The following SNIP1 variants were observed in gnomAD, a reference collection of about 807,000 sequenced individuals.
SNIP1 encodes the protein smad nuclear-interacting protein 1.
In SNIP1, 23 loss-of-function variants were observed where a neutral mutation model predicts 37.4. That is an observed-to-expected ratio of 0.61 (90% CI 0.44 to 0.87). The LOEUF (loss-of-function observed/expected upper bound fraction) is 0.87. Among genes scored for constraint, SNIP1 ranks in the 40% least tolerant of loss-of-function variants. The pLI is 0.00. For missense variants in SNIP1, 459 were observed against 540.4 expected (o/e 0.85, Z 1.49); for synonymous variants, 174 against 200.0 (o/e 0.87, Z 1.10).
chr1:37,549,935 C>A (rs757220714), intron 2 of SNIP1, among the ~76,000 whole-genome samples: 1 of 152,100 alleles, frequency 6.6e-6, no homozygotes, highest in African/African-American at 2.4e-5. Flanking sequence ...AATAGACCCA[C>A]ACAAATATGC....
At chr1:37,542,461 C>T (rs773105319) in intron 2 of SNIP1, among the ~76,000 whole-genome samples, 5 of 152,188 alleles carry the variant, frequency 3.3e-5, no homozygotes, top group Non-Finnish European at 7.3e-5. Context: ...GATAAATGGT[C>T]AGGTGCCAGT....
chr1:37,545,713 T>A (rs915886948), intron 2 of SNIP1, among the ~76,000 whole-genome samples: 1 of 152,014 alleles, frequency 6.6e-6, no homozygotes, highest in Non-Finnish European at 1.5e-5. Flanking sequence ...ATCCCAGCAC[T>A]TTGGAAGGCC....
At chr1:37,546,214 C>CA (rs1643237012) in intron 2 of SNIP1, among the ~76,000 whole-genome samples, 2 of 149,644 alleles carry the variant, frequency 1.3e-5, no homozygotes, top group South Asian at 4.4e-4. Flanking sequence ...GAGTGGGACT[C>CA]AGTTTTTCTA....
intron 1 of SNIP1, among the ~76,000 whole-genome samples, chr1:37,552,988 C>A (rs1335407309): frequency 3.3e-5 from 5 of 152,182 alleles, no homozygotes; most frequent in Non-Finnish European, 7.3e-5. Context: ...TAATTCCCAA[C>A]CCTTCAAAAA....
intron 2 of SNIP1, among the ~76,000 whole-genome samples, chr1:37,547,950 TC>T (rs1380176857): frequency 6.6e-6 from 1 of 150,922 alleles, no homozygotes; most frequent in Non-Finnish European, 1.5e-5. Flanking sequence ...ATGGAGACCA[TC>T]CTGGCTAACA....
intron 1 of SNIP1, 96 bp downstream of exon 1, chr1:37,553,910 G>A: frequency 2.4e-6 from 3 of 1,270,306 alleles, no homozygotes; most frequent in Non-Finnish European, 2.2e-6. Flanking sequence ...CCGGGCTGCT[G>A]CGCCCACCAT....
At chr1:37,553,966 G>C in intron 1 of SNIP1, 40 bp downstream of exon 1, 1 of 1,543,692 alleles carries the variant, frequency 6.5e-7, no homozygotes, top group Non-Finnish European at 8.8e-7. Flanking sequence ...TTCTGAATGA[G>C]CCCAACCCAA....
chr1:37,551,725 C>A (rs1643304093), intron 2 of SNIP1, among the ~76,000 whole-genome samples: 1 of 152,158 alleles, frequency 6.6e-6, no homozygotes, highest in African/African-American at 2.4e-5. Flanking sequence ...CCCATAACTA[C>A]AAGAAAATGA....
chr1:37,544,597 G>A (rs1376606843), intron 2 of SNIP1, among the ~76,000 whole-genome samples: 1 of 152,186 alleles, frequency 6.6e-6, no homozygotes, highest in Admixed American at 6.5e-5. Flanking sequence ...GGAGTTTCCT[G>A]GTTCAACAGT....
chr1:37,552,564 A>AACAC, intron 2 of SNIP1, 81 bp downstream of exon 2: 1 of 1,179,262 alleles, frequency 8.5e-7, no homozygotes, highest in Non-Finnish European at 1.3e-6. Context: ...GCACACACAC[A>AACAC]ACACACACAC....
At chr1:37,553,899 T>C (rs1570032220) in intron 1 of SNIP1, 107 bp downstream of exon 1, 2 of 1,154,268 alleles carry the variant, frequency 1.7e-6, no homozygotes, top group Admixed American at 2.1e-5. Flanking sequence ...CAGGATTAAG[T>C]CCGGGCTGCT....
intron 3 of SNIP1, among the ~76,000 whole-genome samples, chr1:37,538,508 C>CA (rs35905865): frequency 0.45 from 25,800 of 57,694 alleles, 5,970 homozygotes; most frequent in East Asian, 0.61. Flanking sequence ...GACTCTGTCT[C>CA]AAAAAAAAAA....
chr1:37,538,797 C>A (rs1471595148), intron 3 of SNIP1, among the ~76,000 whole-genome samples: 1 of 152,066 alleles, frequency 6.6e-6, no homozygotes, highest in Admixed American at 6.5e-5. Context: ...GGGCCATGGA[C>A]TGGTACCAGT....
intron 2 of SNIP1, chr1:37,548,744 GA>G (rs1033666555): frequency 0.13 from 12,933 of 96,752 alleles, 594 homozygotes; most frequent in Non-Finnish European, 0.16. Context: ...AAAAAAAAAA[GA>G]AAAAAAAAAA....
chr1:37,545,232 C>T (rs756031790), intron 2 of SNIP1: 4 of 664,572 alleles, frequency 6.0e-6, no homozygotes, highest in Admixed American at 1.8e-5. Flanking sequence ...GATGAGGGCA[C>T]CCGAATCTGG....
chr1:37,544,740 G>A (rs991223080), intron 2 of SNIP1: 9 of 660,716 alleles, frequency 1.4e-5, no homozygotes, highest in East Asian at 2.9e-5. Flanking sequence ...AGCCACCGCC[G>A]CACAGCCACC....
chr1:37,552,537 C>G, intron 2 of SNIP1, 108 bp downstream of exon 2: 2 of 860,098 alleles, frequency 2.3e-6, no homozygotes, highest in Non-Finnish European at 3.8e-6. Flanking sequence ...TGTAGGCGAG[C>G]GTACGTGCAC....
rs141627890 is a variant in SNIP1 at position 37,538,417 on chromosome 1, G to A, written c.927-405C>T. ...CCAGCTACTTGGGAGGTTGAGGCAC[G>A]AGAATGGCGTGAACCCAGGAGGCAG... is the stretch of plus-strand genomic sequence containing the variant. On this transcript the variant is annotated intron_variant, in intron 3 of 3. Transcript: ENST00000296215. 4.2e-3 allele frequency among the ~76,000 whole-genome samples: 632 copies of A among 149,500 alleles called. 3 individuals carry two copies. The highest frequency in any genetic ancestry group is 0.015 in the African/African-American group (610 of 40,820).
In SNIP1 at chr1:37,537,903, G is replaced by A. The variant is rs1643118772; in HGVS notation, c.1036C>T (p.Pro346Ser). Reference protein sequence around the residue: ...GTFLNNKRIEPQRYYELKEKD... With the variant: ...GTFLNNKRIESQRYYELKEKD... ...TCTTTTAGTTCATAGTATCTCTGTG[G>A]CTCAATACGTTTGTTGTTTAAGAAG... The change falls in exon 4 of 4, where the codon CCA becomes TCA. Residue 346 changes from proline to serine, a missense_variant. Physicochemically the swap from Pro to Ser is moderately conservative, Grantham distance 74. Transcript: ENST00000296215. 2 of 1,613,992 alleles carry A rather than the reference G, an allele frequency of 1.2e-6. No homozygotes were observed. Among genetic ancestry groups the A allele is most frequent in the Non-Finnish European group, 1.7e-6 (2 of 1,180,058 alleles).
Sources: gnomAD v4.1 joint callset for allele counts (sites outside exome capture counted in the v4.1 genomes callset) on GRCh38, gnomAD v4.1.1 for gene constraint, MANE v1.5 for transcripts, NCBI Gene and HGNC (gene_info 2026-07-23, HGNC 2026-07-21) for gene names.